The following CPNE3 variants were observed in gnomAD, a reference collection of about 807,000 sequenced individuals.
CPNE3 encodes the protein copine 3.
Under a neutral mutation model 63.9 loss-of-function variants are expected in CPNE3, and 68 were observed. The ratio of observed to expected loss-of-function variants is 1.06; its 90% CI spans 0.87 to 1.30. CPNE3 has a LOEUF of 1.30. CPNE3 is among the 50% of genes most tolerant of loss of function. The pLI, the probability that CPNE3 is intolerant of heterozygous loss-of-function variation, is 0.00. For missense variants in CPNE3, 665 were observed against 578.1 expected (o/e 1.15, Z -1.54); for synonymous variants, 219 against 197.5 (o/e 1.11, Z -0.91).
At chr8:86,539,464 T>C (rs1355531606) in intron 7 of CPNE3, among the ~76,000 whole-genome samples, 2 of 152,148 alleles carry the variant, frequency 1.3e-5, no homozygotes, top group African/African-American at 2.4e-5. Flanking sequence ...CTAAGAAATA[T>C]GTATATTTGT....
At chr8:86,531,113 G>A in intron 4 of CPNE3, 42 bp from the exon 5 acceptor site, 2 of 870,006 alleles carry the variant, frequency 2.3e-6, no homozygotes, top group Non-Finnish European at 2.0e-6. Context: ...AAATTCTTAG[G>A]TTGAAGGGAA....
At chr8:86,543,347 C>G (rs1034003361) in intron 8 of CPNE3, among the ~76,000 whole-genome samples, 2 of 151,888 alleles carry the variant, frequency 1.3e-5, no homozygotes, top group African/African-American at 4.8e-5. Flanking sequence ...TGTAGTCTTC[C>G]TGAAGAATAA....
Position 86,544,771 on chromosome 8 carries a change from C to G in CPNE3, c.665C>G (p.Ser222Ter). The G allele has an allele frequency of 6.4e-7, 1 of 1,569,980 alleles. No homozygotes were observed. Among genetic ancestry groups the G allele is most frequent in the Non-Finnish European group, 8.6e-7 (1 of 1,156,572 alleles). Residue 222 changes from serine to a stop codon, truncating the protein, a stop_gained, in exon 9 of 17, where the codon TCA becomes TGA. Coordinates refer to ENST00000517490, the MANE Select transcript of CPNE3 (RefSeq NM_003909.5). LOFTEE classifies it high-confidence loss of function. ...TGTTATGATTATGACAATGATGGGTCACATGATCTCATTGGAACATTTCAG... is the reference window on the plus strand; with the variant it reads ...TGTTATGATTATGACAATGATGGGTGACATGATCTCATTGGAACATTTCAG... ...VECYDYDNDG[S>*]HDLIGTFQTT...
At chr8:86,546,345 G>A (rs980371697) in intron 9 of CPNE3, among the ~76,000 whole-genome samples, 1 of 151,986 alleles carries the variant, frequency 6.6e-6, no homozygotes, top group Non-Finnish European at 1.5e-5. Context: ...ACCTGCAGAG[G>A]TAAAATTTAT....
chr8:86,523,883 C>T (rs886655457), intron 2 of CPNE3, among the ~76,000 whole-genome samples: 10 of 152,268 alleles, frequency 6.6e-5, no homozygotes, highest in African/African-American at 1.2e-4. Context: ...CCACCGTGCC[C>T]GGCCTGAAGT....
intron 9 of CPNE3, 88 bp downstream of exon 9, chr8:86,544,926 G>A (rs1027455459): frequency 6.2e-6 from 4 of 647,798 alleles, no homozygotes; most frequent in East Asian, 3.1e-5. Flanking sequence ...AGCATCAAAC[G>A]GTTTACTATG....
intron 14 of CPNE3, chr8:86,554,167 G>A (rs565256406): frequency 5.9e-5 from 9 of 152,208 alleles, no homozygotes; most frequent in Non-Finnish European, 1.2e-4. Context: ...ATCTCCTTAG[G>A]TATGGGTGTC....
chr8:86,541,651 C>T (rs1337207422), intron 8 of CPNE3, among the ~76,000 whole-genome samples: 1 of 149,796 alleles, frequency 6.7e-6, no homozygotes, highest in Non-Finnish European at 1.5e-5. Flanking sequence ...TCTCAGTAAG[C>T]CAATATTGCT....
rs1056624995 is a variant in CPNE3, at chr8:86,559,542, C to T, written c.*1132C>T. 1 of 151,778 alleles carries T rather than the reference C, an allele frequency of 6.6e-6. No individual in the cohort carries two copies. Among genetic ancestry groups the T allele is most frequent in the Admixed American group, 6.6e-5 (1 of 15,228 alleles). The allele number at this position is 151,778 out of a possible 1,614,324, so 9.4% of individuals were successfully genotyped here. On this transcript the variant is annotated 3_prime_UTR_variant, in exon 17 of 17. Coordinates refer to ENST00000517490, the MANE Select transcript of CPNE3 (RefSeq NM_003909.5). ...TGATATTTCCTATGTCTACAGCATA[C>T]CTTATTAGGTATAAAACCTACTGCA...
At position 86,532,594 on chromosome 8, in the gene CPNE3, G is replaced by T; in HGVS notation, c.459+14G>T. ...CTGGATAATAAGGTGGGTAGACTATGCAGATTTCAAAAAGGTTGTCATGTT... is the reference window on the plus strand; with the variant it reads ...CTGGATAATAAGGTGGGTAGACTATTCAGATTTCAAAAAGGTTGTCATGTT... On this transcript the variant is annotated intron_variant, in intron 6 of 16. Coordinates refer to ENST00000517490, the MANE Select transcript of CPNE3 (RefSeq NM_003909.5). 1 of 1,601,614 alleles carries T rather than the reference G, an allele frequency of 6.2e-7. No individual in the cohort carries two copies. Among genetic ancestry groups the T allele is most frequent in the Non-Finnish European group, 8.5e-7 (1 of 1,174,710 alleles).
intron 2 of CPNE3, among the ~76,000 whole-genome samples, chr8:86,517,632 T>C (rs1820343373): frequency 6.6e-6 from 1 of 152,200 alleles, no homozygotes; most frequent in Non-Finnish European, 1.5e-5. Context: ...ATAAAATATG[T>C]AAAATTGCAC....
rs1485418942 is a variant in CPNE3, at chr8:86,529,002, A to G, written c.190A>G (p.Ile64Val). 2 of 1,613,648 alleles carry G rather than the reference A, an allele frequency of 1.2e-6. No homozygotes were observed. Among genetic ancestry groups the G allele is most frequent in the Non-Finnish European group, 1.7e-6 (2 of 1,179,776 alleles). The change falls in exon 4 of 17, where the codon ATT (isoleucine) becomes GTT (valine). Residue 64 changes from isoleucine (I) to valine (V), a missense_variant. Physicochemically the swap from Ile to Val is conservative, Grantham distance 29 (BLOSUM62 3). Coordinates refer to ENST00000517490, the MANE Select transcript of CPNE3 (RefSeq NM_003909.5). ...GAATCCCCAATTTTCCAAGACATTT[A>G]TTATTGATTACTACTTTGAAGTGGT... ...CLNPQFSKTF[I>V]IDYYFEVVQK...
In CPNE3 at chr8:86,540,266, C is replaced by G; in HGVS notation, c.565C>G (p.Pro189Ala). 6.2e-7 allele frequency: 1 copy of G among 1,609,674 alleles called. No individual in the cohort carries two copies. Among genetic ancestry groups the G allele is most frequent in the Non-Finnish European group, 8.5e-7 (1 of 1,177,326 alleles). The part of the protein sequence containing the change: ...RTEVVKNNLN[P>A]VWRPFKISLN... ...ATAGGTTGTTAAAAACAACTTGAATCCTGTTTGGAGGCCTTTCAAGATCTC... is the reference window on the plus strand; with the variant it reads ...ATAGGTTGTTAAAAACAACTTGAATGCTGTTTGGAGGCCTTTCAAGATCTC... Residue 189 changes from proline to alanine, a missense_variant, in exon 8 of 17, where the codon CCT becomes GCT. Pro to Ala is a conservative substitution (Grantham distance 27). Coordinates refer to ENST00000517490, the MANE Select transcript of CPNE3 (RefSeq NM_003909.5).
Position 86,532,572 on chromosome 8 carries a change from G to T in CPNE3, c.451G>T (p.Asp151Tyr). The stretch of plus-strand genomic sequence containing the variant: ...GTTTGAAATGGAAGCCAGAAAACTG[G>T]ATAATAAGGTGGGTAGACTATGCAG... ...VLFEMEARKL[D>Y]NKDLFGKSDP... The change falls in exon 6 of 17, where the codon GAT (aspartate) becomes TAT (tyrosine). Residue 151 changes from aspartate to tyrosine, a missense_variant. Transcript: ENST00000517490. 6.2e-7 allele frequency: 1 copy of T among 1,612,474 alleles called. No individual in the cohort carries two copies. The highest frequency in any genetic ancestry group is 1.7e-5 in the Admixed American group (1 of 59,800).
intron 2 of CPNE3, among the ~76,000 whole-genome samples, 168 bp from the exon 3 acceptor site, chr8:86,528,368 A>G (rs548437580): frequency 5.1e-4 from 78 of 152,346 alleles, no homozygotes; most frequent in Non-Finnish European, 8.2e-4. Flanking sequence ...ATGAGCTAAT[A>G]GACACCCACA....
intron 6 of CPNE3, among the ~76,000 whole-genome samples, chr8:86,536,623 C>T (rs1238902048): frequency 6.6e-6 from 1 of 152,016 alleles, no homozygotes; most frequent in South Asian, 2.1e-4. Flanking sequence ...GAAGTTAATT[C>T]AGGACTAAAG....
chr8:86,530,226 G>A (rs949657005), intron 4 of CPNE3, among the ~76,000 whole-genome samples: 3 of 145,436 alleles, frequency 2.1e-5, no homozygotes, highest in South Asian at 2.2e-4. Context: ...CTGGAGTGTC[G>A]TGGCTCAATC....
chr8:86,516,432 ATATTT>A (rs1264816456), intron 2 of CPNE3, among the ~76,000 whole-genome samples: 2 of 152,314 alleles, frequency 1.3e-5, no homozygotes, highest in East Asian at 3.9e-4. Context: ...ACATTTTAAA[ATATTT>A]TATTTTCTAT....
intron 2 of CPNE3, among the ~76,000 whole-genome samples, chr8:86,528,115 A>AT (rs1319106293): frequency 2.0e-5 from 3 of 151,228 alleles, no homozygotes; most frequent in East Asian, 3.9e-4. Context: ...TGCTTGGCTA[A>AT]TTTTTTTTAT....
Sources: allele counts gnomAD v4.1 joint callset (sites outside exome capture counted in the v4.1 genomes callset), GRCh38; gene constraint gnomAD v4.1.1; transcripts MANE v1.5; gene names NCBI Gene and HGNC (gene_info 2026-07-23, HGNC 2026-07-21).